Variants in RAF1 observed in about 807,000 individuals in gnomAD.
RAF1 encodes RAF proto-oncogene serine/threonine-protein kinase.
A neutral mutation model predicts 81.1 loss-of-function variants in RAF1; 27 were observed. The observed-to-expected ratio is 0.33, with a 90% CI of 0.25 to 0.46. The LOEUF (loss-of-function observed/expected upper bound fraction) is 0.46. Among genes scored for constraint, RAF1 ranks in the 20% least tolerant of loss-of-function variants. The probability of loss-of-function intolerance (pLI) is 1.00; values close to 1 mark genes in which losing one functional copy is unlikely to be tolerated. For synonymous variants in RAF1, 298 were observed against 294.0 expected, an observed-to-expected ratio of 1.01 and a Z score of -0.14; for missense variants, 598 against 826.0, an observed-to-expected ratio of 0.72 and a Z score of 3.38.
At chr3:12,626,629 T>C (rs1033809563) in intron 1 of RAF1, among the ~76,000 whole-genome samples, 1 of 151,762 alleles carries the variant, frequency 6.6e-6, no homozygotes, top group Non-Finnish European at 1.5e-5. Context: ...TATTGTTAAG[T>C]ATGTAATTTG....
intron 2 of RAF1, among the ~76,000 whole-genome samples, chr3:12,613,747 C>T (rs778154874): frequency 6.6e-6 from 1 of 152,086 alleles, no homozygotes; most frequent in East Asian, 1.9e-4. Flanking sequence ...AATTTGAAAA[C>T]ATCAGAGAGG....
intron 1 of RAF1, among the ~76,000 whole-genome samples, chr3:12,651,331 T>C (rs1382425255): frequency 6.6e-6 from 1 of 152,194 alleles, no homozygotes; most frequent in Non-Finnish European, 1.5e-5. Context: ...TTCCCAATAA[T>C]TTTTTAAGAT....
intron 13 of RAF1, chr3:12,590,428 G>A (rs1382357704): frequency 2.4e-5 from 2 of 83,232 alleles, no homozygotes; most frequent in South Asian, 7.4e-5. Context: ...ATGTTCAAGC[G>A]ATTCTCCCTG....
At chr3:12,624,411 C>T (rs1307623052) in intron 1 of RAF1, among the ~76,000 whole-genome samples, 1 of 152,126 alleles carries the variant, frequency 6.6e-6, no homozygotes, top group African/African-American at 2.4e-5. Flanking sequence ...CAGCAACATA[C>T]TTCAATCTTA....
chr3:12,601,016 A>G lies in RAF1; in HGVS notation c.895-601T>C, dbSNP rs5746215. On this transcript the variant is annotated intron_variant, in intron 8 of 17. Coordinates refer to ENST00000442415, the MANE Select transcript of RAF1 (RefSeq NM_001354689.3). ...GGATTCTTGTTCCACTGAGGCTCAA[A>G]ACTTTTTTTAAAAAGCCAGGGTGGG... 2.0e-3 allele frequency among the ~76,000 whole-genome samples: 299 copies of G among 152,324 alleles called. 1 individual carries two copies. Among genetic ancestry groups the G allele is most frequent in the African/African-American group, 6.3e-3 (262 of 41,570 alleles).
intron 1 of RAF1, among the ~76,000 whole-genome samples, chr3:12,626,215 G>A (rs2059697261): frequency 6.9e-6 from 1 of 144,880 alleles, no homozygotes; most frequent in Non-Finnish European, 1.5e-5. Context: ...TTGCACTCCA[G>A]CTTGAGCAAC....
At chr3:12,632,324 CAA>C (rs34396520) in intron 1 of RAF1, among the ~76,000 whole-genome samples, 6 of 123,422 alleles carry the variant, frequency 4.9e-5, no homozygotes, top group Admixed American at 8.6e-5. Context: ...AACTCCGTCT[CAA>C]AAAAAAAAAA....
At chr3:12,585,025 AAC>A (rs1175152000) in intron 16 of RAF1, 44 bp from the exon 16 acceptor site, 2 of 1,613,336 alleles carry the variant, frequency 1.2e-6, no homozygotes, top group Admixed American at 3.3e-5. Context: ...GTGAATGAAC[AAC>A]AGATAATAAC....
chr3:12,600,354 C>T, intron 9 of RAF1, 34 bp downstream of exon 8: 1 of 1,614,030 alleles, frequency 6.2e-7, no homozygotes, highest in Non-Finnish European at 8.5e-7. Flanking sequence ...AAAAAAAGCC[C>T]ATTATTGTTG....
rs71063851 is a variant in RAF1 at position 12,634,153 on chromosome 3, C to CT, written c.-26-15407dup. On this transcript the variant is annotated intron_variant, in intron 1 of 17. Coordinates refer to ENST00000442415, the MANE Select transcript of RAF1 (RefSeq NM_001354689.3). Reference sequence around the variant, plus strand: ...TTGAACCTCCATGATTCCTTTCTCTCTTTTTTTTTTTTTGAGATGAGTCTT... The same window carrying CT: ...TTGAACCTCCATGATTCCTTTCTCTCTTTTTTTTTTTTTTGAGATGAGTCTT... Among the ~76,000 whole-genome samples, 48 of 141,508 alleles carry CT rather than the reference C, an allele frequency of 3.4e-4. No individual in the cohort carries two copies. The East Asian group carries it at 6.4e-3, about 19-fold the overall frequency. 92.8% of individuals were successfully genotyped at this position (141,508 alleles called of 152,430 possible).
chr3:12,597,912 G>A (rs551605913), intron 11 of RAF1, among the ~76,000 whole-genome samples: 5 of 150,874 alleles, frequency 3.3e-5, no homozygotes, highest in East Asian at 3.9e-4. Flanking sequence ...GCCAGATCTT[G>A]TCTCTAAATA....
rs754197477 is a variant in RAF1 at position 12,606,275 on chromosome 3, A to G, written c.606T>C (p.Gly202=). 1.2e-6 allele frequency: 2 copies of G among 1,612,286 alleles called. No homozygotes were observed. ...AAGGTAGTGCTGGGACTCCACTATC[A>G]CCAATAGTGGAATTTGGAAACAATC... The change falls in exon 6 of 18, where the codon GGT becomes GGC. Residue 202 remains glycine, a synonymous_variant. Transcript: ENST00000442415.
chr3:12,617,496 G>A (rs1277196347), intron 2 of RAF1, among the ~76,000 whole-genome samples: 1 of 152,086 alleles, frequency 6.6e-6, no homozygotes, highest in Non-Finnish European at 1.5e-5. Flanking sequence ...CAAGCAATCT[G>A]CCCACCTCGG....
chr3:12,591,820 A>G (rs778781193), intron 11 of RAF1, 28 bp from the exon 11 acceptor site: 5 of 1,500,872 alleles, frequency 3.3e-6, no homozygotes, highest in Admixed American at 1.7e-5. Context: ...AGTCAGTGCA[A>G]TCAGTTGAAT....
chr3:12,647,300 A>G (rs1351421622), intron 1 of RAF1, among the ~76,000 whole-genome samples: 2 of 147,584 alleles, frequency 1.4e-5, no homozygotes, highest in Non-Finnish European at 3.0e-5. Context: ...CATCTCAAAA[A>G]AAAAAAAAAA....
intron 11 of RAF1, among the ~76,000 whole-genome samples, chr3:12,596,609 A>G (rs1424857340): frequency 6.6e-6 from 1 of 152,226 alleles, no homozygotes; most frequent in Non-Finnish European, 1.5e-5. Context: ...AGTTGCTTTG[A>G]GACCCTTTCT....
At chr3:12,597,820 C>G (rs1015435047) in intron 11 of RAF1, among the ~76,000 whole-genome samples, 3 of 151,652 alleles carry the variant, frequency 2.0e-5, no homozygotes, top group African/African-American at 7.3e-5. Context: ...GAGGCTGAGG[C>G]AGGAGGATGG....
intron 13 of RAF1, chr3:12,587,895 C>G (rs2058379849): frequency 3.1e-6 from 1 of 321,354 alleles, no homozygotes; most frequent in Non-Finnish European, 5.6e-6. Flanking sequence ...CAGCCTTAAC[C>G]TCCTGGGCTC....
intron 14 of RAF1, chr3:12,587,277 G>T: frequency 2.5e-6 from 1 of 402,734 alleles, no homozygotes; most frequent in Non-Finnish European, 4.5e-6. Context: ...TCCCCGTCAG[G>T]TTACATTTAC....
Sources: gnomAD v4.1 joint callset for allele counts (sites outside exome capture counted in the v4.1 genomes callset) on GRCh38, gnomAD v4.1.1 for gene constraint, MANE v1.5 for transcripts, NCBI Gene and HGNC (gene_info 2026-07-23, HGNC 2026-07-21) for gene names.